The following PACC1 variants were observed in gnomAD, a reference collection of about 807,000 sequenced individuals.
PACC1 encodes the protein proton-activated chloride channel.
Under a neutral mutation model 39.7 loss-of-function variants are expected in PACC1, and 34 were observed. That is an observed-to-expected ratio of 0.86 (90% CI 0.65 to 1.14). The LOEUF (loss-of-function observed/expected upper bound fraction) is 1.14, where lower values mean the gene tolerates loss of function less well. Among genes scored for constraint, PACC1 ranks in the 50% most tolerant of loss-of-function variants. The pLI, the probability that PACC1 is intolerant of heterozygous loss-of-function variation, is 0.00. For missense variants in PACC1, 379 were observed against 436.4 expected (o/e 0.87, Z 1.17); for synonymous variants, 127 against 160.6 (o/e 0.79, Z 1.58).
At chr1:212,399,325 G>A (rs1051808252) in intron 2 of PACC1, among the ~76,000 whole-genome samples, 2 of 147,030 alleles carry the variant, frequency 1.4e-5, no homozygotes, top group African/African-American at 5.0e-5. Context: ...ATCAGAATGA[G>A]AGAGTCTTAA....
chr1:212,365,118 CAAGT>C lies in PACC1; in HGVS notation c.*93_*96del. On this transcript the variant is annotated 3_prime_UTR_variant, in exon 8 of 8. Coordinates refer to ENST00000261455, the MANE Select transcript of PACC1 (RefSeq NM_018252.3). ...TCCTCCCAGCAAGGCCCCATTTCTT[CAAGT>C]GAGTACAGGATTGTTGATAGCTCCG... is the stretch of plus-strand genomic sequence containing the variant. The C allele has an allele frequency of 7.8e-7, 1 of 1,286,290 alleles. No homozygotes were observed. Among genetic ancestry groups the C allele is most frequent in the Admixed American group, 2.5e-5 (1 of 40,384 alleles). 79.7% of individuals were successfully genotyped at this position (1,286,290 alleles called of 1,614,324 possible).
At chr1:212,407,580 G>A (rs1539206) in intron 2 of PACC1, among the ~76,000 whole-genome samples, 80,387 of 152,082 alleles carry the variant, frequency 0.53, 22,859 homozygotes, top group African/African-American at 0.75. Context: ...AGGATTAGCC[G>A]TGCTACTATC....
chr1:212,371,176 C>T (rs767792403), intron 7 of PACC1, among the ~76,000 whole-genome samples: 3 of 141,670 alleles, frequency 2.1e-5, no homozygotes, highest in Non-Finnish European at 3.0e-5. Context: ...ACCCAGGAGG[C>T]GTAGGCTGCA....
chr1:212,385,125 A>C (rs1398193881), intron 4 of PACC1, 149 bp downstream of exon 4: 1 of 876,892 alleles, frequency 1.1e-6, no homozygotes, highest in Non-Finnish European at 1.7e-6. Context: ...CCAAGTGTCC[A>C]CATGGCACAG....
chr1:212,372,719 A>G (rs2102471794), intron 7 of PACC1, among the ~76,000 whole-genome samples: 1 of 152,344 alleles, frequency 6.6e-6, no homozygotes, highest in East Asian at 1.9e-4. Flanking sequence ...AAAAACTTAT[A>G]GCAATGCAAG....
In PACC1 at chr1:212,368,871, A is replaced by G. The variant is rs150534114; in HGVS notation, c.892-3495T>C. On this transcript the variant is annotated intron_variant, in intron 7 of 7. Coordinates refer to ENST00000261455, the MANE Select transcript of PACC1 (RefSeq NM_018252.3). ...CACGGTGAAACCCTGTCTCTACCAA[A>G]AATACAAAAAATTAGCCGGGCGTGG... Among the ~76,000 whole-genome samples, 1,207 of 152,148 alleles carry G rather than the reference A, an allele frequency of 7.9e-3. 18 individuals are homozygous for G. The highest frequency in any genetic ancestry group is 0.027 in the African/African-American group (1,137 of 41,516).
intron 7 of PACC1, among the ~76,000 whole-genome samples, chr1:212,369,142 A>T (rs2102465167): frequency 6.6e-6 from 1 of 152,304 alleles, no homozygotes; most frequent in East Asian, 1.9e-4. Context: ...TTGTGATCAA[A>T]GTTAAGTTGT....
chr1:212,370,835 A>T (rs768371097), intron 7 of PACC1, among the ~76,000 whole-genome samples: 2 of 152,264 alleles, frequency 1.3e-5, no homozygotes, highest in African/African-American at 2.4e-5. Context: ...CATCAAAAAA[A>T]GTAGAGATTT....
intron 4 of PACC1, among the ~76,000 whole-genome samples, chr1:212,380,514 T>G (rs1266690856): frequency 6.6e-6 from 1 of 152,192 alleles, no homozygotes; most frequent in Non-Finnish European, 1.5e-5. Context: ...TTTATAGCAC[T>G]TTTTAATCTT....
chr1:212,400,467 A>G (rs1661673594), intron 2 of PACC1, among the ~76,000 whole-genome samples: 1 of 152,212 alleles, frequency 6.6e-6, no homozygotes, highest in African/African-American at 2.4e-5. Context: ...TGTTTTACTC[A>G]CAGAAGCCAA....
chr1:212,399,391 A>T (rs914557804), intron 2 of PACC1, among the ~76,000 whole-genome samples: 2 of 152,224 alleles, frequency 1.3e-5, no homozygotes, highest in African/African-American at 4.8e-5. Context: ...GCATTTTTAC[A>T]ATTACAGTCA....
chr1:212,365,987 T>C (rs1271773918), intron 7 of PACC1, among the ~76,000 whole-genome samples: 1 of 152,184 alleles, frequency 6.6e-6, no homozygotes, highest in Admixed American at 6.6e-5. Flanking sequence ...ATGGCTGTCT[T>C]TCCTCCCAAA....
intron 7 of PACC1, among the ~76,000 whole-genome samples, chr1:212,369,330 A>G (rs1660359678): frequency 6.6e-6 from 1 of 152,250 alleles, no homozygotes; most frequent in South Asian, 2.1e-4. Context: ...AAAACAAAAA[A>G]CGAAATAGCC....
At chr1:212,380,916 T>C (rs1287582951) in intron 4 of PACC1, among the ~76,000 whole-genome samples, 1 of 152,258 alleles carries the variant, frequency 6.6e-6, no homozygotes, top group African/African-American at 2.4e-5. Context: ...TTAACTGTGA[T>C]AGAAACTGAA....
chr1:212,396,304 G>A (rs912404488), intron 2 of PACC1, among the ~76,000 whole-genome samples: 20 of 152,134 alleles, frequency 1.3e-4, no homozygotes, highest in Admixed American at 1.3e-3. Context: ...GGCTGAAGCT[G>A]GAAACCATCA....
intron 2 of PACC1, among the ~76,000 whole-genome samples, chr1:212,389,514 T>C (rs143004804): frequency 1.3e-5 from 2 of 152,304 alleles, no homozygotes; most frequent in African/African-American, 2.4e-5. Context: ...ATGTCCAGTG[T>C]TCAATCAAAA....
intron 7 of PACC1, 27 bp downstream of exon 7, chr1:212,375,166 A>T (rs760492318): frequency 6.7e-7 from 1 of 1,487,002 alleles, no homozygotes; most frequent in Non-Finnish European, 9.4e-7. Context: ...AATCTTAAAT[A>T]ATACTATCAT....
At chr1:212,400,207 C>T (rs1021015746) in intron 2 of PACC1, among the ~76,000 whole-genome samples, 1 of 152,170 alleles carries the variant, frequency 6.6e-6, no homozygotes, top group Non-Finnish European at 1.5e-5. Context: ...TAAAGACGAA[C>T]GATGACTGGC....
At chr1:212,395,720 A>T (rs1043010327) in intron 2 of PACC1, among the ~76,000 whole-genome samples, 1 of 152,112 alleles carries the variant, frequency 6.6e-6, no homozygotes, top group African/African-American at 2.4e-5. Context: ...GAATCTACAA[A>T]GAACTCCAAC....
Sources: allele counts gnomAD v4.1 joint callset (sites outside exome capture counted in the v4.1 genomes callset), GRCh38; gene constraint gnomAD v4.1.1; transcripts MANE v1.5; gene names NCBI Gene and HGNC (gene_info 2026-07-23, HGNC 2026-07-21).